Variants in DPH6 observed in about 807,000 individuals in gnomAD.
DPH6 encodes the protein diphthine--ammonia ligase.
Under a neutral mutation model 38.2 loss-of-function variants are expected in DPH6, and 33 were observed. The ratio of observed to expected loss-of-function variants is 0.86; its 90% confidence interval spans 0.65 to 1.15. The LOEUF (loss-of-function observed/expected upper bound fraction) is 1.15. Among genes scored for constraint, DPH6 ranks in the 50% most tolerant of loss-of-function variants. DPH6 has a pLI of 0.00. For synonymous variants in DPH6, 108 were observed against 103.0 expected, an observed-to-expected ratio of 1.05 and a Z score of -0.30; for missense variants, 325 against 320.0, an observed-to-expected ratio of 1.02 and a Z score of -0.12.
chr15:35,160,457 T>C, the DPH6 span, among the ~76,000 whole-genome samples: 1 of 151,914 alleles, frequency 6.6e-6, no homozygotes, highest in Non-Finnish European at 1.5e-5. Flanking sequence ...TCAACTTTTA[T>C]TTTAGGTTTA....
At chr15:35,257,671 A>C (rs1334887868) in intron 3 of DPH6, among the ~76,000 whole-genome samples, 1 of 152,062 alleles carries the variant, frequency 6.6e-6, no homozygotes, top group East Asian at 1.9e-4. Flanking sequence ...CTGGAACTAC[A>C]GTCTTATTCT....
At chr15:35,304,358 A>G (rs2052073938) in intron 3 of DPH6, among the ~76,000 whole-genome samples, 1 of 152,162 alleles carries the variant, frequency 6.6e-6, no homozygotes, top group Admixed American at 6.5e-5. Flanking sequence ...CCTCTGGCAC[A>G]TACAATCTAA....
intron 1 of DPH6, among the ~76,000 whole-genome samples, chr15:35,543,259 A>T (rs5022459): frequency 0.027 from 3,080 of 113,296 alleles, 213 homozygotes; most frequent in African/African-American, 0.08. Flanking sequence ...ACATACACAT[A>T]ATATATATAT....
chr15:35,283,537 C>G (rs1291316974), intron 3 of DPH6, among the ~76,000 whole-genome samples: 1 of 152,068 alleles, frequency 6.6e-6, no homozygotes. Context: ...TCCTCATGAT[C>G]CGCCGCTTTG....
the DPH6 span, among the ~76,000 whole-genome samples, chr15:35,203,679 G>C: frequency 4.6e-5 from 7 of 151,664 alleles, no homozygotes; most frequent in Admixed American, 1.3e-4. Context: ...TTATGATGGA[G>C]TATTTTAGCT....
intron 1 of DPH6, among the ~76,000 whole-genome samples, 168 bp downstream of exon 1, chr15:35,545,951 T>C (rs116251882): frequency 2.5e-4 from 37 of 149,160 alleles, no homozygotes; most frequent in Non-Finnish European, 4.7e-4. Context: ...CCGAGGCACA[T>C]GCGGGCCGGC....
At chr15:35,179,305 C>T in the DPH6 span, among the ~76,000 whole-genome samples, 1 of 151,244 alleles carries the variant, frequency 6.6e-6, no homozygotes, top group Non-Finnish European at 1.5e-5. Context: ...ATTCATCCCC[C>T]AAAATTCAAG....
intron 3 of DPH6, among the ~76,000 whole-genome samples, chr15:35,485,365 T>C (rs553980603): frequency 1.3e-5 from 2 of 152,338 alleles, no homozygotes; most frequent in South Asian, 4.1e-4. Flanking sequence ...AAATTGTATG[T>C]GAGGATATGT....
intron 3 of DPH6, among the ~76,000 whole-genome samples, chr15:35,480,104 A>G (rs1258216249): frequency 6.6e-6 from 1 of 152,076 alleles, no homozygotes; most frequent in Non-Finnish European, 1.5e-5. Context: ...AAGTAAGTCA[A>G]TATTAAACTT....
intron 3 of DPH6, among the ~76,000 whole-genome samples, chr15:35,456,738 G>A (rs1472287102): frequency 5.3e-5 from 8 of 151,596 alleles, no homozygotes; most frequent in Non-Finnish European, 1.0e-4. Flanking sequence ...CACCTGCCTC[G>A]GCCTCCCAAA....
At chr15:35,198,169 A>G in the DPH6 span, among the ~76,000 whole-genome samples, 344 of 146,708 alleles carry the variant, frequency 2.3e-3, 1 homozygote, top group African/African-American at 7.4e-3. Context: ...ATTTAATAAA[A>G]ACAAAACTTT....
At chr15:35,411,527 T>C (rs1246280060) in intron 5 of DPH6, among the ~76,000 whole-genome samples, 1 of 151,678 alleles carries the variant, frequency 6.6e-6, no homozygotes, top group Non-Finnish European at 1.5e-5. Flanking sequence ...TAACCTTTAA[T>C]AAAGATTCAA....
downstream of DPH6, among the ~76,000 whole-genome samples, chr15:35,368,785 C>G (rs150553961): frequency 1.3e-4 from 19 of 151,658 alleles, no homozygotes; most frequent in Non-Finnish European, 1.9e-4. Flanking sequence ...AAAATGAGTT[C>G]AAGTTTTGTA....
intron 3 of DPH6, among the ~76,000 whole-genome samples, chr15:35,227,373 T>C (rs1227823957): frequency 1.3e-5 from 2 of 151,412 alleles, no homozygotes; most frequent in Non-Finnish European, 2.9e-5. Context: ...TTAGTAGAGA[T>C]AGGGTTTCAC....
intron 3 of DPH6, among the ~76,000 whole-genome samples, chr15:35,533,205 C>T (rs1360881467): frequency 1.3e-5 from 2 of 152,034 alleles, no homozygotes; most frequent in African/African-American, 4.8e-5. Context: ...ACAGTTCACC[C>T]TTCTACCAGC....
At chr15:35,210,480 C>T in the DPH6 span, among the ~76,000 whole-genome samples, 4 of 152,108 alleles carry the variant, frequency 2.6e-5, no homozygotes, top group South Asian at 8.3e-4. Context: ...AAAGGTACAG[C>T]GGGAATAATT....
intron 3 of DPH6, among the ~76,000 whole-genome samples, chr15:35,508,891 G>A (rs1480921552): frequency 1.3e-5 from 2 of 152,072 alleles, no homozygotes; most frequent in Admixed American, 1.3e-4. Flanking sequence ...CATTTAAATG[G>A]AAATATTTTT....
intron 5 of DPH6, among the ~76,000 whole-genome samples, chr15:35,438,274 T>G (rs896390995): frequency 6.6e-6 from 1 of 152,128 alleles, no homozygotes; most frequent in Non-Finnish European, 1.5e-5. Context: ...CTTTCTTTTT[T>G]TGAGATGGAG....
At chr15:35,533,108 G>GA (rs34226807) in intron 3 of DPH6, among the ~76,000 whole-genome samples, 94,163 of 144,090 alleles carry the variant, frequency 0.65, 33,165 homozygotes, top group East Asian at 0.87. Flanking sequence ...ACTCAGTCTC[G>GA]AAAAAAAAAA....
Sources: allele counts gnomAD v4.1 joint callset (sites outside exome capture counted in the v4.1 genomes callset), GRCh38; gene constraint gnomAD v4.1.1; transcripts MANE v1.5; gene names NCBI Gene and HGNC (gene_info 2026-07-23, HGNC 2026-07-21).